Variants in FER1L6 observed in about 807,000 individuals in gnomAD.
The protein encoded by FER1L6 is fer-1-like protein 6.
Under a neutral mutation model 219.2 loss-of-function variants are expected in FER1L6, and 177 were observed. The observed-to-expected ratio is 0.81, with a 90% confidence interval of 0.71 to 0.91. The LOEUF (loss-of-function observed/expected upper bound fraction) is 0.91. Ranked by LOEUF, FER1L6 falls within the 40% of genes least tolerant of loss-of-function variation. The pLI, the probability that FER1L6 is intolerant of heterozygous loss-of-function variation, is 0.00. For synonymous variants in FER1L6, 768 were observed against 824.3 expected (o/e 0.93, Z 1.17); for missense variants, 2,153 against 2,259.9 (o/e 0.95, Z 0.96).
chr8:124,077,957 G>A (rs912439164), intron 32 of FER1L6, among the ~76,000 whole-genome samples: 3 of 152,162 alleles, frequency 2.0e-5, no homozygotes, highest in Non-Finnish European at 2.9e-5. Flanking sequence ...GGGTGTCACA[G>A]CCTCCAACCC....
chr8:124,041,272 A>T (rs1268176639), intron 20 of FER1L6, among the ~76,000 whole-genome samples: 1 of 152,186 alleles, frequency 6.6e-6, no homozygotes, highest in Non-Finnish European at 1.5e-5. Flanking sequence ...TCATTTTAAG[A>T]TGGGACTGTC....
intron 17 of FER1L6, among the ~76,000 whole-genome samples, chr8:124,022,104 C>T (rs868341531): frequency 1.3e-5 from 2 of 152,220 alleles, no homozygotes; most frequent in African/African-American, 2.4e-5. Flanking sequence ...TACTGACACT[C>T]GTTCTTGAAG....
At chr8:123,912,279 T>TA (rs547671336) in intron 1 of FER1L6, among the ~76,000 whole-genome samples, 6 of 145,086 alleles carry the variant, frequency 4.1e-5, no homozygotes, top group Non-Finnish European at 3.1e-5. Flanking sequence ...TGTCAATGTT[T>TA]AAAAAAAAAG....
intron 9 of FER1L6, among the ~76,000 whole-genome samples, 192 bp from the exon 10 acceptor site, chr8:123,977,225 C>G (rs1471596831): frequency 2.0e-5 from 3 of 152,226 alleles, no homozygotes; most frequent in Admixed American, 2.0e-4. Flanking sequence ...GACTTTGTCT[C>G]AGATACCTGG....
intron 22 of FER1L6, among the ~76,000 whole-genome samples, chr8:124,058,217 TAA>T (rs1820396935): frequency 6.6e-6 from 1 of 152,206 alleles, no homozygotes; most frequent in South Asian, 2.1e-4. Flanking sequence ...TGCATGACCC[TAA>T]GAGTGAGTGC....
chr8:124,105,864 C>A (rs1404966392), intron 39 of FER1L6, among the ~76,000 whole-genome samples: 2 of 152,064 alleles, frequency 1.3e-5, no homozygotes, highest in African/African-American at 4.8e-5. Flanking sequence ...CATGGATGAA[C>A]CTTGCAAATG....
intron 20 of FER1L6, among the ~76,000 whole-genome samples, chr8:124,041,677 T>C (rs113672620): frequency 0.024 from 3,634 of 152,274 alleles, 75 homozygotes; most frequent in Non-Finnish European, 0.038. Context: ...TAGTTCTACC[T>C]GGGGGAGAAG....
chr8:123,970,326 T>C lies in FER1L6; in HGVS notation c.447+229T>C, dbSNP rs543358440. Among the ~76,000 whole-genome samples the C allele has an allele frequency of 2.0e-5, 3 of 152,324 alleles. No individual in the cohort carries two copies. In the East Asian group the frequency reaches 5.8e-4, roughly 29 times the overall value. On this transcript the variant is annotated intron_variant, in intron 6 of 40. Transcript: ENST00000522917. ...CTTCTTGGAAGCAAGTGGTAAGCTA[T>C]GGTAAAGCTATTACTGATTGAATCA...
chr8:123,914,300 T>C (rs992023801), intron 1 of FER1L6, among the ~76,000 whole-genome samples: 6 of 152,208 alleles, frequency 3.9e-5, no homozygotes, highest in Non-Finnish European at 8.8e-5. Flanking sequence ...TCTCTTCTAA[T>C]GATGTTTTTA....
intron 12 of FER1L6, among the ~76,000 whole-genome samples, chr8:123,993,403 C>T (rs1216965574): frequency 4.8e-5 from 7 of 146,884 alleles, no homozygotes; most frequent in African/African-American, 1.8e-4. Context: ...GATCCCGCCA[C>T]TGCACTCCAG....
At chr8:123,932,573 C>G (rs1022440714) in intron 1 of FER1L6, among the ~76,000 whole-genome samples, 4 of 152,086 alleles carry the variant, frequency 2.6e-5, no homozygotes, top group Non-Finnish European at 5.9e-5. Flanking sequence ...CTGGTAGTTT[C>G]CTGAAGGTGG....
Position 124,045,755 on chromosome 8 carries a change from C to A in FER1L6, c.2590-12C>A, listed in dbSNP as rs1487235293. 1.2e-6 allele frequency: 2 copies of A among 1,613,614 alleles called. No individual in the cohort carries two copies. The highest frequency in any genetic ancestry group is 1.1e-5 in the South Asian group (1 of 91,054). On this transcript the variant is annotated splice_polypyrimidine_tract_variant and intron_variant, in intron 20 of 40. Coordinates refer to ENST00000522917, the MANE Select transcript of FER1L6 (RefSeq NM_001039112.2). ...GAATGATCTTTTGCTTTTCTTTGGT[C>A]CCTGCTTCCAGATAATCTCCCAGAC... is the stretch of plus-strand genomic sequence containing the variant.
At chr8:124,066,276 G>C (rs1331492496) in intron 26 of FER1L6, 152 bp from the exon 27 acceptor site, 1 of 775,966 alleles carries the variant, frequency 1.3e-6, no homozygotes, top group Non-Finnish European at 2.1e-6. Flanking sequence ...ATTTGTGGAA[G>C]TGATACAGAG....
At chr8:123,879,386 G>A (rs893495579) in intron 1 of FER1L6, among the ~76,000 whole-genome samples, 1 of 152,096 alleles carries the variant, frequency 6.6e-6, no homozygotes, top group Non-Finnish European at 1.5e-5. Flanking sequence ...GAGTGCAGTG[G>A]TGCGATCTCG....
At chr8:124,067,882 G>A (rs546851084) in intron 28 of FER1L6, 76 bp downstream of exon 28, 85 of 1,229,704 alleles carry the variant, frequency 6.9e-5, no homozygotes, top group East Asian at 9.6e-5. Context: ...TGGAAGCCAC[G>A]GGAGGTGTAT....
At chr8:123,940,586 C>T (rs2129988648) in intron 1 of FER1L6, among the ~76,000 whole-genome samples, 1 of 152,268 alleles carries the variant, frequency 6.6e-6, no homozygotes, top group South Asian at 2.1e-4. Flanking sequence ...AAACCACCTA[C>T]CTTGGCTTCC....
intron 1 of FER1L6, among the ~76,000 whole-genome samples, chr8:123,940,168 G>A (rs749571051): frequency 6.6e-6 from 1 of 152,150 alleles, no homozygotes; most frequent in African/African-American, 2.4e-5. Context: ...TGTGACTAAG[G>A]CTGTAGGTGG....
chr8:124,049,403 G>A (rs1241988153), intron 21 of FER1L6, among the ~76,000 whole-genome samples: 1 of 152,076 alleles, frequency 6.6e-6, no homozygotes, highest in African/African-American at 2.4e-5. Flanking sequence ...GGCCAGCCAG[G>A]ATGACCCTTT....
At chr8:123,913,300 G>A (rs143010910) in intron 1 of FER1L6, among the ~76,000 whole-genome samples, 51 of 151,774 alleles carry the variant, frequency 3.4e-4, no homozygotes, top group African/African-American at 1.1e-3. Context: ...AAAAACTTAC[G>A]TAATTATTTG....
Sources: gnomAD v4.1 joint callset for allele counts (sites outside exome capture counted in the v4.1 genomes callset) on GRCh38, gnomAD v4.1.1 for gene constraint, MANE v1.5 for transcripts, NCBI Gene and HGNC (gene_info 2026-07-23, HGNC 2026-07-21) for gene names.